Variants in SLC25A24 observed in about 807,000 individuals in gnomAD.
SLC25A24 encodes mitochondrial adenyl nucleotide antiporter SLC25A24.
SLC25A24 carries 49 observed loss-of-function variants against 60.7 expected under a neutral mutation model. The ratio of observed to expected loss-of-function variants is 0.81; its 90% CI spans 0.64 to 1.02. SLC25A24 has a LOEUF of 1.02. Among genes scored for constraint, SLC25A24 ranks in the 50% least tolerant of loss-of-function variants. SLC25A24 has a pLI of 0.00. For missense variants in SLC25A24, 564 were observed against 586.3 expected, an observed-to-expected ratio of 0.96 and a Z score of 0.39; for synonymous variants, 202 against 200.6, an observed-to-expected ratio of 1.01 and a Z score of -0.06.
intron 3 of SLC25A24, among the ~76,000 whole-genome samples, chr1:108,168,203 A>G (rs1647282328): frequency 6.6e-6 from 1 of 152,228 alleles, no homozygotes; most frequent in Non-Finnish European, 1.5e-5. Context: ...TTTGACTTGC[A>G]TATGGGAAAT....
At chr1:108,174,056 T>C (rs916893205) in intron 3 of SLC25A24, among the ~76,000 whole-genome samples, 7 of 152,324 alleles carry the variant, frequency 4.6e-5, no homozygotes, top group Admixed American at 1.3e-4. Context: ...AAAATCTATT[T>C]TCTGAGGAAA....
intron 2 of SLC25A24, among the ~76,000 whole-genome samples, chr1:108,182,393 AG>A (rs1220065650): frequency 1.3e-5 from 2 of 152,234 alleles, no homozygotes; most frequent in African/African-American, 4.8e-5. Context: ...CAATTAAAGT[AG>A]GATCTATTCA....
At chr1:108,175,237 G>A (rs1156392508) in intron 3 of SLC25A24, among the ~76,000 whole-genome samples, 2 of 152,114 alleles carry the variant, frequency 1.3e-5, no homozygotes, top group Non-Finnish European at 2.9e-5. Flanking sequence ...CATGGAGGAG[G>A]CTACCCTCAT....
intron 4 of SLC25A24, among the ~76,000 whole-genome samples, chr1:108,160,644 C>A (rs1680044388): frequency 6.6e-6 from 1 of 152,202 alleles, no homozygotes; most frequent in South Asian, 2.1e-4. Flanking sequence ...TGCCACTGCA[C>A]CCCAGCCTGG....
intron 8 of SLC25A24, among the ~76,000 whole-genome samples, chr1:108,142,078 C>CT: frequency 6.6e-6 from 1 of 152,086 alleles, no homozygotes; most frequent in Non-Finnish European, 1.5e-5. Context: ...CACCTCACAC[C>CT]TAAGAGGACG....
chr1:108,137,915 G>A (rs1313629702), intron 9 of SLC25A24, among the ~76,000 whole-genome samples: 2 of 152,302 alleles, frequency 1.3e-5, no homozygotes, highest in Admixed American at 6.5e-5. Context: ...TTTCTCTACA[G>A]CCATGACTGT....
Position 108,136,646 on chromosome 1 carries a change from T to C in SLC25A24, c.*7A>G. ...TCAATTATCAGGCTAAAGCAAAAAATGCAACATCATTTCTGGGTTACTCCT... is the reference window on the plus strand; with the variant it reads ...TCAATTATCAGGCTAAAGCAAAAAACGCAACATCATTTCTGGGTTACTCCT... On this transcript the variant is annotated 3_prime_UTR_variant, in exon 10 of 10. Transcript: ENST00000565488. 1 of 1,608,490 alleles carries C rather than the reference T, an allele frequency of 6.2e-7. No individual in the cohort carries two copies. Among genetic ancestry groups the C allele is most frequent in the East Asian group, 2.2e-5 (1 of 44,760 alleles).
chr1:108,188,517 C>T (rs576703914), intron 1 of SLC25A24, among the ~76,000 whole-genome samples: 2 of 152,234 alleles, frequency 1.3e-5, no homozygotes, highest in Admixed American at 6.5e-5. Context: ...CATTCTGTGG[C>T]GCCATTTACG....
intron 6 of SLC25A24, among the ~76,000 whole-genome samples, chr1:108,150,107 TA>T (rs1322211028): frequency 6.6e-6 from 1 of 152,182 alleles, no homozygotes; most frequent in African/African-American, 2.4e-5. Context: ...ATAATTTGCT[TA>T]AAAACCTTCC....
intron 3 of SLC25A24, among the ~76,000 whole-genome samples, chr1:108,173,593 C>T (rs897709111): frequency 2.0e-5 from 3 of 152,062 alleles, no homozygotes; most frequent in African/African-American, 7.2e-5. Flanking sequence ...TAAGGATACC[C>T]AAAAATATGG....
At chr1:108,169,285 C>A (rs1647359424) in intron 3 of SLC25A24, among the ~76,000 whole-genome samples, 1 of 152,102 alleles carries the variant, frequency 6.6e-6, no homozygotes, top group Admixed American at 6.5e-5. Flanking sequence ...CCTGGATATT[C>A]TTAGGCCTTT....
chr1:108,200,307 G>A lies in SLC25A24; in HGVS notation c.-169C>T, dbSNP rs1648629503. 4.1e-6 allele frequency: 2 copies of A among 481,974 alleles called. No individual in the cohort carries two copies. The highest frequency in any genetic ancestry group is 1.8e-4 in the South Asian group (2 of 11,350). 29.9% of individuals were successfully genotyped at this position (481,974 alleles called of 1,614,324 possible). ...CGCGCAGGGCGCAGGGCGCAGGAGC[G>A]GAGACCCCACCCGAGCCCGCGCGGA... On this transcript the variant is annotated 5_prime_UTR_variant, in exon 1 of 10. Coordinates refer to ENST00000565488, the MANE Select transcript of SLC25A24 (RefSeq NM_013386.5).
chr1:108,160,402 G>A (rs1334636210), intron 4 of SLC25A24, among the ~76,000 whole-genome samples: 15 of 144,732 alleles, frequency 1.0e-4, no homozygotes, highest in East Asian at 2.0e-4. Context: ...ATGGGCGGCC[G>A]GGCAGAGACG....
chr1:108,166,534 T>C (rs1045447378), intron 3 of SLC25A24, among the ~76,000 whole-genome samples: 5 of 152,278 alleles, frequency 3.3e-5, no homozygotes, highest in Admixed American at 1.3e-4. Flanking sequence ...CTCGCTTCAT[T>C]TCATTCATTT....
At chr1:108,178,504 C>A (rs536502231) in intron 3 of SLC25A24, among the ~76,000 whole-genome samples, 1 of 152,094 alleles carries the variant, frequency 6.6e-6, no homozygotes, top group Non-Finnish European at 1.5e-5. Context: ...GTTTCTTTTC[C>A]GACCACAATA....
intron 4 of SLC25A24, among the ~76,000 whole-genome samples, chr1:108,160,919 C>T (rs1455104304): frequency 2.0e-5 from 3 of 151,994 alleles, no homozygotes; most frequent in African/African-American, 4.8e-5. Context: ...AGCTTTGGCT[C>T]GGCATCAGAG....
intron 9 of SLC25A24, among the ~76,000 whole-genome samples, chr1:108,137,662 T>C (rs1160422924): frequency 6.6e-6 from 1 of 152,208 alleles, no homozygotes; most frequent in Non-Finnish European, 1.5e-5. Context: ...CTATCAGCCG[T>C]ATCAGTCATG....
chr1:108,167,374 G>A (rs369295051), intron 3 of SLC25A24, among the ~76,000 whole-genome samples: 6,972 of 152,196 alleles, frequency 0.046, 213 homozygotes, highest in East Asian at 0.097. Context: ...GCAATGGCGG[G>A]TGCCCCTCCC....
chr1:108,178,671 G>A (rs922149913), intron 3 of SLC25A24, among the ~76,000 whole-genome samples: 5 of 152,002 alleles, frequency 3.3e-5, no homozygotes, highest in East Asian at 1.9e-4. Flanking sequence ...AAAATTAGCC[G>A]GGCGTGGTGG....
Sources: allele counts gnomAD v4.1 joint callset (sites outside exome capture counted in the v4.1 genomes callset), GRCh38; gene constraint gnomAD v4.1.1; transcripts MANE v1.5; gene names NCBI Gene and HGNC (gene_info 2026-07-23, HGNC 2026-07-21).